MRPL40: variants seen among roughly 807,000 people sequenced by gnomAD.
MRPL40 encodes the protein large ribosomal subunit protein mL40.
In MRPL40, 18 loss-of-function variants were observed where a neutral mutation model predicts 24.5. The observed-to-expected ratio is 0.73, with a 90% CI of 0.51 to 1.09. The LOEUF is 1.09. Among genes scored for constraint, MRPL40 ranks in the 50% least tolerant of loss-of-function variants. The pLI is 0.00. For synonymous variants in MRPL40, 108 were observed against 94.6 expected, an observed-to-expected ratio of 1.14 and a Z score of -0.82; for missense variants, 256 against 243.8, an observed-to-expected ratio of 1.05 and a Z score of -0.33.
chr22:19,433,958 T>C (rs2146269847), intron 2 of MRPL40, among the ~76,000 whole-genome samples: 1 of 152,064 alleles, frequency 6.6e-6, no homozygotes, highest in East Asian at 1.9e-4. Flanking sequence ...AGACGGGGTT[T>C]CACCATGTTG....
chr22:19,435,970 GGCT>G lies in MRPL40; in HGVS notation c.*12_*14del. 6.2e-7 allele frequency: 1 copy of G among 1,606,552 alleles called. No individual in the cohort carries two copies. Among genetic ancestry groups the G allele is most frequent in the East Asian group, 2.2e-5 (1 of 44,808 alleles). ...GTGGAGTTTAAGAGATAGACTTGCA[GGCT>G]GCTATCCTTAACATGCTGCCCCTGA... On this transcript the variant is annotated 3_prime_UTR_variant, in exon 4 of 4. Transcript: ENST00000333130.
In MRPL40 at chr22:19,432,598, C is replaced by A; in HGVS notation, c.44C>A (p.Pro15Gln). The A allele has an allele frequency of 6.4e-7, 1 of 1,554,288 alleles. No homozygotes were observed. Among genetic ancestry groups the A allele is most frequent in the Non-Finnish European group, 8.7e-7 (1 of 1,150,328 alleles). Reference sequence around the variant, plus strand: ...CGAAGTATCTCGCTAGCCCTGCGCCCGACTAGCGGGTGAGTGCGGACGCTG... The same window carrying A: ...CGAAGTATCTCGCTAGCCCTGCGCCAGACTAGCGGGTGAGTGCGGACGCTG... ...VLRSISLALR[P>Q]TSGLLGTWQT... Residue 15 changes from proline to glutamine, a missense_variant, in exon 1 of 4, where the codon CCG (proline) becomes CAG (glutamine). Coordinates refer to ENST00000333130, the MANE Select transcript of MRPL40 (RefSeq NM_003776.4).
rs550431463 is a variant in MRPL40, at chr22:19,435,203, C to T, written c.296+309C>T. ...GTTTCTGATCCCTTGGGCCTGGAGT[C>T]TGAAGCCCTCGCCTCATCCTAACAG... On this transcript the variant is annotated intron_variant, in intron 3 of 3. Transcript: ENST00000333130. Among the ~76,000 whole-genome samples the T allele has an allele frequency of 3.3e-5, 5 of 152,314 alleles. No individual in the cohort carries two copies. The South Asian group carries it at 1.0e-3, about 32-fold the overall frequency.
In MRPL40 at chr22:19,433,397, A is replaced by G. The variant is rs554428376; in HGVS notation, c.137+49A>G. ...CCTCTGGGGGTAAAGGTGTCAGTCT[A>G]TGTGTAGAGAACAAAGCAAGAATGC... On this transcript the variant is annotated intron_variant, in intron 2 of 3. Coordinates refer to ENST00000333130, the MANE Select transcript of MRPL40 (RefSeq NM_003776.4). 1.3e-4 allele frequency: 145 copies of G among 1,137,570 alleles called. 4 individuals are homozygous for G. In the South Asian group the frequency reaches 1.7e-3, roughly 14 times the overall value. The allele number at this position is 1,137,570 out of a possible 1,614,324, so 70.5% of individuals were successfully genotyped here. A position where few individuals can be genotyped will look rare whatever the true frequency, so the allele number is the denominator to read the frequency against.
In MRPL40 at chr22:19,433,309, G is replaced by T; in HGVS notation, c.98G>T (p.Arg33Leu). 6.2e-7 allele frequency: 1 copy of T among 1,613,134 alleles called. No individual in the cohort carries two copies. Among genetic ancestry groups the T allele is most frequent in the Non-Finnish European group, 8.5e-7 (1 of 1,179,254 alleles). ...WQTQLRETHQ[R>L]ASLLSFWELI... ...ACGCAGCTTAGAGAGACTCACCAGC[G>T]AGCGTCATTGTTGTCTTTCTGGGAA... The change falls in exon 2 of 4, where the codon CGA (arginine) becomes CTA (leucine). Residue 33 changes from arginine (R) to leucine (L), a missense_variant. Coordinates refer to ENST00000333130, the MANE Select transcript of MRPL40 (RefSeq NM_003776.4).
At chr22:19,432,679 A>C in intron 1 of MRPL40, 72 bp downstream of exon 1, 3 of 1,485,798 alleles carry the variant, frequency 2.0e-6, no homozygotes, top group Non-Finnish European at 2.7e-6. Context: ...GTCCGCCAGG[A>C]CTCGCCTGTG....
At chr22:19,432,902 A>T in intron 1 of MRPL40, 2 of 1,259,736 alleles carry the variant, frequency 1.6e-6, no homozygotes, top group Non-Finnish European at 2.0e-6. Context: ...GCAATTTTTT[A>T]TTTTCCTGTG....
chr22:19,432,644 G>T, intron 1 of MRPL40, 37 bp downstream of exon 1: 1 of 1,529,634 alleles, frequency 6.5e-7, no homozygotes, highest in Non-Finnish European at 8.8e-7. Context: ...GGAGTGCCCA[G>T]GGCGCGTGCG....
chr22:19,436,068 A>C lies in MRPL40; in HGVS notation c.*106A>C. ...GCATGCTGTTAATAAATACTGGTTT[A>C]ATCAAAATGCTCCTTTGTCTTGTGT... On this transcript the variant is annotated 3_prime_UTR_variant, in exon 4 of 4. Coordinates refer to ENST00000333130, the MANE Select transcript of MRPL40 (RefSeq NM_003776.4). 9.9e-7 allele frequency: 1 copy of C among 1,013,182 alleles called. No individual in the cohort carries two copies. Among genetic ancestry groups the C allele is most frequent in the Non-Finnish European group, 1.5e-6 (1 of 689,106 alleles). 62.8% of individuals were successfully genotyped at this position (1,013,182 alleles called of 1,614,324 possible).
At position 19,435,794 on chromosome 22, in the gene MRPL40, A is replaced by G. The variant is rs754649887; in HGVS notation, c.453A>G (p.Gln151=). 2.5e-6 allele frequency: 4 copies of G among 1,614,100 alleles called. No homozygotes were observed. Among genetic ancestry groups the G allele is most frequent in the Admixed American group, 1.7e-5 (1 of 60,004 alleles). ...AGCAGGAAGCTCTGGAGGAACTGCAACTGGAATCCCCGAAGCTCCATGCTG... is the reference window on the plus strand; with the variant it reads ...AGCAGGAAGCTCTGGAGGAACTGCAGCTGGAATCCCCGAAGCTCCATGCTG... ...EAQQEALEEL[Q]LESPKLHAEA... is the part of the protein sequence containing the mutation. Residue 151 remains glutamine (Q), a synonymous_variant, in exon 4 of 4, where the codon CAA becomes CAG. Transcript: ENST00000333130.
chr22:19,432,732 C>A, intron 1 of MRPL40, 125 bp downstream of exon 1: 2 of 1,422,886 alleles, frequency 1.4e-6, no homozygotes, highest in South Asian at 1.5e-5. Context: ...CAGGGATGAG[C>A]CATCTGGTCG....
rs1483032932 is a variant in MRPL40, at chr22:19,432,683, G to A, written c.53+76G>A. On this transcript the variant is annotated intron_variant, in intron 1 of 3. Coordinates refer to ENST00000333130, the MANE Select transcript of MRPL40 (RefSeq NM_003776.4). ...TCTTCGCGACTGTCCGCCAGGACTC[G>A]CCTGTGCTCCCTGCTCGCCTCCCAG... 7.4e-6 allele frequency: 11 copies of A among 1,478,798 alleles called. No homozygotes were observed. In the East Asian group the frequency reaches 3.0e-4, roughly 40 times the overall value. 91.6% of individuals were successfully genotyped at this position (1,478,798 alleles called of 1,614,324 possible).
intron 2 of MRPL40, among the ~76,000 whole-genome samples, chr22:19,434,065 A>C (rs2089569838): frequency 1.3e-5 from 2 of 151,218 alleles, no homozygotes; most frequent in African/African-American, 4.9e-5. Context: ...CACCGCACCC[A>C]GTCCACAAAT....
chr22:19,436,046 T>C lies in MRPL40; in HGVS notation c.*84T>C. ...AGTCTGCTTTCCACAGAATCAGGCA[T>C]GCTGTTAATAAATACTGGTTTAATC... On this transcript the variant is annotated 3_prime_UTR_variant, in exon 4 of 4. Coordinates refer to ENST00000333130, the MANE Select transcript of MRPL40 (RefSeq NM_003776.4). 1 of 1,169,650 alleles carries C rather than the reference T, an allele frequency of 8.5e-7. No homozygotes were observed. Among genetic ancestry groups the C allele is most frequent in the Non-Finnish European group, 1.2e-6 (1 of 817,754 alleles). The allele number at this position is 1,169,650 out of a possible 1,614,324, so 72.5% of individuals were successfully genotyped here. A position where few individuals can be genotyped will look rare whatever the true frequency, so the allele number is the denominator to read the frequency against.
At position 19,436,039 on chromosome 22, in the gene MRPL40, T is replaced by TG; in HGVS notation, c.*77_*78insG. On this transcript the variant is annotated 3_prime_UTR_variant, in exon 4 of 4. Transcript: ENST00000333130. Reference sequence around the variant, plus strand: ...GGGTTCAAGTCTGCTTTCCACAGAATCAGGCATGCTGTTAATAAATACTGG... The same window carrying TG: ...GGGTTCAAGTCTGCTTTCCACAGAATGCAGGCATGCTGTTAATAAATACTGG... 8.3e-7 allele frequency: 1 copy of TG among 1,206,572 alleles called. No individual in the cohort carries two copies. Among genetic ancestry groups the TG allele is most frequent in the Non-Finnish European group, 1.2e-6 (1 of 846,618 alleles). The allele number at this position is 1,206,572 out of a possible 1,614,324, so 74.7% of individuals were successfully genotyped here. A position where few individuals can be genotyped will look rare whatever the true frequency, so the allele number is the denominator to read the frequency against.
rs772151420 is a variant in MRPL40, at chr22:19,434,883, G to A, written c.285G>A (p.Leu95=). 6 of 1,591,734 alleles carry A rather than the reference G, an allele frequency of 3.8e-6. No individual in the cohort carries two copies. In the South Asian group the frequency reaches 5.8e-5, roughly 15 times the overall value. Residue 95 remains leucine, a synonymous_variant, in exon 3 of 4, where the codon TTG becomes TTA. Coordinates refer to ENST00000333130, the MANE Select transcript of MRPL40 (RefSeq NM_003776.4). Reference sequence around the variant, plus strand: ...ATTTTATTACCCCTCTAAAGTTCTTGGATAAAGCAAGGTAAGGATCCTTCT... The same window carrying A: ...ATTTTATTACCCCTCTAAAGTTCTTAGATAAAGCAAGGTAAGGATCCTTCT... ...IEDFITPLKF[L]DKARERPQVE...
At position 19,433,296 on chromosome 22, in the gene MRPL40, G is replaced by GGTGGC. The variant is rs2089561602; in HGVS notation, c.85_86insGTGGC (p.Glu29GlyfsTer19). On this transcript the variant is annotated frameshift_variant, in exon 2 of 4. Transcript: ENST00000333130. LOFTEE classifies it high-confidence loss of function. ...GGGAACTTGGCAGACGCAGCTTAGA[G>GGTGGC]AGACTCACCAGCGAGCGTCATTGTT... The GGTGGC allele has an allele frequency of 6.2e-7, 1 of 1,613,156 alleles. No individual in the cohort carries two copies. The highest frequency in any genetic ancestry group is 1.3e-5 in the African/African-American group (1 of 74,896).
At chr22:19,435,609 G>A (rs2089581818) in intron 3 of MRPL40, 29 bp from the exon 4 acceptor site, 1 of 1,581,198 alleles carries the variant, frequency 6.3e-7, no homozygotes, top group Non-Finnish European at 8.6e-7. Context: ...ACATGCCAGT[G>A]AGATTGGTAA....
At position 19,435,879 on chromosome 22, in the gene MRPL40, C is replaced by A; in HGVS notation, c.538C>A (p.Pro180Thr). The A allele has an allele frequency of 1.2e-6, 2 of 1,614,166 alleles. No homozygotes were observed. Among genetic ancestry groups the A allele is most frequent in the Non-Finnish European group, 1.7e-6 (2 of 1,180,020 alleles). Reference protein sequence around the residue: ...PFEKEGPHYTPPIPNYQPPEG... With the variant: ...PFEKEGPHYTTPIPNYQPPEG... ...TGAGAAGGAAGGGCCACATTACACA[C>A]CACCGATCCCTAACTACCAACCCCC... Residue 180 changes from proline to threonine, a missense_variant, in exon 4 of 4, where the codon CCA becomes ACA. Pro to Thr is a conservative substitution (Grantham distance 38). Coordinates refer to ENST00000333130, the MANE Select transcript of MRPL40 (RefSeq NM_003776.4).
Sources: allele counts gnomAD v4.1 joint callset (sites outside exome capture counted in the v4.1 genomes callset), GRCh38; gene constraint gnomAD v4.1.1; transcripts MANE v1.5; gene names NCBI Gene and HGNC (gene_info 2026-07-23, HGNC 2026-07-21).